FMN2: variants seen among roughly 807,000 people sequenced by gnomAD.
The protein encoded by FMN2 is formin-2.
FMN2 carries 51 observed loss-of-function variants against 142.3 expected under a neutral mutation model. The ratio of observed to expected loss-of-function variants is 0.36; its 90% CI spans 0.29 to 0.45. FMN2 has a LOEUF of 0.45. FMN2 is among the 20% of genes least tolerant of loss of function. The pLI is 1.00. For missense variants in FMN2, 1,936 were observed against 2,122.8 expected (o/e 0.91, Z 1.73); for synonymous variants, 882 against 869.8 (o/e 1.01, Z -0.25).
chr1:240,448,137 G>A (rs1355534484), intron 16 of FMN2, among the ~76,000 whole-genome samples: 7 of 152,138 alleles, frequency 4.6e-5, no homozygotes, highest in Non-Finnish European at 1.0e-4. Flanking sequence ...ACAAACATGA[G>A]TATTAGCTAA....
intron 13 of FMN2, among the ~76,000 whole-genome samples, chr1:240,349,755 T>A (rs1672028255): frequency 6.6e-6 from 1 of 152,222 alleles, no homozygotes; most frequent in African/African-American, 2.4e-5. Context: ...TATAAAATCT[T>A]TTTGACTCAG....
intron 13 of FMN2, among the ~76,000 whole-genome samples, chr1:240,351,040 A>G (rs150864062): frequency 7.2e-4 from 110 of 152,330 alleles, no homozygotes; most frequent in African/African-American, 2.6e-3. Context: ...AAAGTGAGTA[A>G]ATGGAGACTG....
At chr1:240,318,445 C>T (rs925333001) in intron 8 of FMN2, among the ~76,000 whole-genome samples, 2 of 151,234 alleles carry the variant, frequency 1.3e-5, no homozygotes, top group African/African-American at 2.4e-5. Context: ...GCTGGTGGTT[C>T]CAGGTTCTAA....
At chr1:240,385,697 C>A (rs577796143) in intron 14 of FMN2, among the ~76,000 whole-genome samples, 1 of 152,248 alleles carries the variant, frequency 6.6e-6, no homozygotes, top group South Asian at 2.1e-4. Flanking sequence ...CACTGAGGAC[C>A]ACTTCAATAC....
At chr1:240,314,106 A>G (rs954203993) in intron 8 of FMN2, among the ~76,000 whole-genome samples, 2 of 152,200 alleles carry the variant, frequency 1.3e-5, no homozygotes, top group South Asian at 4.1e-4. Context: ...TGCAAGGAAA[A>G]AGTAATTTTG....
At chr1:240,192,429 G>T (rs1003533717) in intron 4 of FMN2, among the ~76,000 whole-genome samples, 2 of 152,122 alleles carry the variant, frequency 1.3e-5, no homozygotes, top group African/African-American at 4.8e-5. Flanking sequence ...CATATAGAAA[G>T]TTTCTAAAGA....
At chr1:240,462,959 G>A (rs1241378803) in intron 16 of FMN2, among the ~76,000 whole-genome samples, 3 of 152,152 alleles carry the variant, frequency 2.0e-5, no homozygotes, top group East Asian at 3.9e-4. Flanking sequence ...AGTCCCAGGG[G>A]AACAGATTAG....
intron 13 of FMN2, chr1:240,341,310 G>A (rs1671734090): frequency 6.6e-6 from 1 of 152,040 alleles, no homozygotes; most frequent in Non-Finnish European, 1.5e-5. Flanking sequence ...CATCTGAAAT[G>A]AATTCATCTT....
intron 15 of FMN2, among the ~76,000 whole-genome samples, chr1:240,407,140 C>CT (rs1166811997): frequency 0.032 from 4,579 of 142,060 alleles, 114 homozygotes; most frequent in African/African-American, 0.067. Flanking sequence ...AGCTACAATA[C>CT]TTTTTTTTTT....
At chr1:240,297,061 C>A (rs934529582) in intron 8 of FMN2, among the ~76,000 whole-genome samples, 3 of 152,044 alleles carry the variant, frequency 2.0e-5, no homozygotes, top group Admixed American at 6.5e-5. Flanking sequence ...GGAGGAAATA[C>A]TAGAGGAAAG....
At chr1:240,171,187 A>G in intron 2 of FMN2, 1 of 820,272 alleles carries the variant, frequency 1.2e-6, no homozygotes, top group Non-Finnish European at 2.2e-6. Flanking sequence ...GTCTAAAAAG[A>G]TAAAAGTTGA....
chr1:240,274,580 A>G (rs1669129746), intron 7 of FMN2, among the ~76,000 whole-genome samples: 1 of 152,070 alleles, frequency 6.6e-6, no homozygotes, highest in Non-Finnish European at 1.5e-5. Flanking sequence ...CAGAGGGTTT[A>G]GGTAGAGGAA....
intron 15 of FMN2, among the ~76,000 whole-genome samples, chr1:240,425,193 T>C (rs1227511100): frequency 1.2e-5 from 1 of 83,778 alleles, no homozygotes; most frequent in African/African-American, 3.5e-5. Context: ...TAAGCAAGGA[T>C]TTGAATGAGG....
At chr1:240,376,010 G>A (rs1307726912) in intron 14 of FMN2, among the ~76,000 whole-genome samples, 1 of 151,860 alleles carries the variant, frequency 6.6e-6, no homozygotes, top group Non-Finnish European at 1.5e-5. Flanking sequence ...TTTTTTGGAG[G>A]CAAACATAGG....
intron 3 of FMN2, among the ~76,000 whole-genome samples, chr1:240,187,010 T>C (rs1276037156): frequency 6.6e-6 from 1 of 151,512 alleles, no homozygotes; most frequent in East Asian, 1.9e-4. Flanking sequence ...CTCATGCCTG[T>C]CATCCCAGCA....
intron 14 of FMN2, among the ~76,000 whole-genome samples, chr1:240,361,133 ATATATGTG>A (rs1166230094): frequency 2.3e-4 from 4 of 17,254 alleles, no homozygotes; most frequent in African/African-American, 1.4e-3. Context: ...TAATAAATAA[ATATATGTG>A]TATATATATA....
chr1:240,288,654 A>T (rs1347824620), intron 7 of FMN2, among the ~76,000 whole-genome samples: 1 of 152,056 alleles, frequency 6.6e-6, no homozygotes, highest in Admixed American at 6.6e-5. Flanking sequence ...TGAATAGAAT[A>T]GAACAGAACA....
At chr1:240,160,424 T>A in intron 2 of FMN2, among the ~76,000 whole-genome samples, 1 of 150,684 alleles carries the variant, frequency 6.6e-6, no homozygotes, top group African/African-American at 2.4e-5. Context: ...AGCTTCACAT[T>A]TAAAAGCCAC....
intron 6 of FMN2, among the ~76,000 whole-genome samples, chr1:240,234,156 A>G (rs1667619076): frequency 6.6e-6 from 1 of 152,118 alleles, no homozygotes; most frequent in African/African-American, 2.4e-5. Flanking sequence ...TCATAGTGCC[A>G]GCTGGTTTTT....
Sources: gnomAD v4.1 joint callset for allele counts (sites outside exome capture counted in the v4.1 genomes callset) on GRCh38, gnomAD v4.1.1 for gene constraint, MANE v1.5 for transcripts, NCBI Gene and HGNC (gene_info 2026-07-23, HGNC 2026-07-21) for gene names.